COL23A1: variants seen among roughly 807,000 people sequenced by gnomAD.
The protein encoded by COL23A1 is collagen type XXIII alpha 1 chain, also known as collagen alpha-1(XXIII) chain.
COL23A1 carries 97 observed loss-of-function variants against 99.3 expected under a neutral mutation model. The observed-to-expected ratio is 0.98, with a 90% confidence interval of 0.83 to 1.16. COL23A1 has a LOEUF of 1.16. Ranked by LOEUF, COL23A1 falls within the 50% of genes most tolerant of loss-of-function variation. The pLI is 0.00. For missense variants in COL23A1, 762 were observed against 757.4 expected, an observed-to-expected ratio of 1.01 and a Z score of -0.07; for synonymous variants, 320 against 308.2, an observed-to-expected ratio of 1.04 and a Z score of -0.40.
rs1765729869 is a variant in COL23A1 at position 178,263,212 on chromosome 5, G to A, written c.635C>T (p.Pro212Leu). The A allele has an allele frequency of 3.1e-6, 5 of 1,611,970 alleles. No homozygotes were observed. The highest frequency in any genetic ancestry group is 4.2e-6 in the Non-Finnish European group (5 of 1,178,342). The change falls in exon 9 of 29, where the codon CCA becomes CTA. Residue 212 changes from proline (P) to leucine (L), a missense_variant. Physicochemically the swap from Pro to Leu is moderately conservative, Grantham distance 98 (BLOSUM62 -3). Coordinates refer to ENST00000390654, the MANE Select transcript of COL23A1 (RefSeq NM_173465.4). Reference sequence around the variant, plus strand: ...CAACTCCATGCCCTCTCTTACCGCTGGGCCTTGTGCTCCCCTGGGGCCATC... The same window carrying A: ...CAACTCCATGCCCTCTCTTACCGCTAGGCCTTGTGCTCCCCTGGGGCCATC... ...GKDGPRGAQG[P>L]AGPKGEPGQD...
chr5:178,264,911 G>T (rs1346006341), intron 8 of COL23A1, among the ~76,000 whole-genome samples: 1 of 152,210 alleles, frequency 6.6e-6, no homozygotes, highest in African/African-American at 2.4e-5. Flanking sequence ...CTCCCAAAGT[G>T]CTGGGATTAC....
intron 1 of COL23A1, among the ~76,000 whole-genome samples, chr5:178,582,188 C>G (rs1320749565): frequency 8.8e-6 from 1 of 113,536 alleles, no homozygotes; most frequent in Non-Finnish European, 1.6e-5. Flanking sequence ...GCCTGGGAGA[C>G]AGGACGAGAC....
At chr5:178,393,350 A>G (rs1163562103) in intron 2 of COL23A1, among the ~76,000 whole-genome samples, 1 of 152,132 alleles carries the variant, frequency 6.6e-6, no homozygotes, top group Non-Finnish European at 1.5e-5. Flanking sequence ...AAAGATGGGA[A>G]GTAAATGGTG....
Position 178,309,943 on chromosome 5 carries a change from G to C in COL23A1, c.362-3024C>G, listed in dbSNP as rs60863033. Among the ~76,000 whole-genome samples the C allele has an allele frequency of 6.9e-6, 1 of 145,952 alleles. No homozygotes were observed. Among genetic ancestry groups the C allele is most frequent in the South Asian group, 2.1e-4 (1 of 4,824 alleles). ...TGTGTGTTCAGGGGAGGAAGGGCGG[G>C]GGGGAGAGGGAGGGAGGGAGAAGGG... On this transcript the variant is annotated intron_variant, in intron 2 of 28. Coordinates refer to ENST00000390654, the MANE Select transcript of COL23A1 (RefSeq NM_173465.4). The surrounding 1 kb of genome is among the most constrained non-coding windows in gnomAD (Gnocchi z 4.7).
intron 16 of COL23A1, 100 bp from the exon 17 acceptor site, chr5:178,252,697 G>A: frequency 2.0e-6 from 2 of 1,025,536 alleles, no homozygotes; most frequent in South Asian, 3.0e-5. Context: ...CCGTCCAGCT[G>A]AGCAGAGCAG....
At chr5:178,553,578 G>T (rs1762118944) in intron 2 of COL23A1, among the ~76,000 whole-genome samples, 1 of 152,222 alleles carries the variant, frequency 6.6e-6, no homozygotes, top group Admixed American at 6.5e-5. Context: ...CGAAAAGGAT[G>T]ATACCATTCT....
intron 7 of COL23A1, among the ~76,000 whole-genome samples, chr5:178,267,982 C>T (rs1755999748): frequency 6.6e-6 from 1 of 152,230 alleles, no homozygotes; most frequent in African/African-American, 2.4e-5. Context: ...GGTGGTGGAG[C>T]TGGAATGCAA....
chr5:178,305,611 C>T (rs1486068525), intron 3 of COL23A1, among the ~76,000 whole-genome samples: 14 of 152,142 alleles, frequency 9.2e-5, no homozygotes, highest in African/African-American at 3.4e-4. Context: ...TTGAGCTAGG[C>T]TTGAAGGACA....
At position 178,537,688 on chromosome 5, in the gene COL23A1, C is replaced by A. The variant is rs779012583; in HGVS notation, c.361+22994G>T. On this transcript the variant is annotated intron_variant, in intron 2 of 28. Transcript: ENST00000390654. ...AGCCACAGGGCAAGGCCATGACAGG[C>A]GCCTTCTTTACTGAAACTGTGTGTG... Among the ~76,000 whole-genome samples, 3 of 152,226 alleles carry A rather than the reference C, an allele frequency of 2.0e-5. No homozygotes were observed. In the East Asian group the frequency reaches 5.8e-4, roughly 29 times the overall value.
intron 2 of COL23A1, among the ~76,000 whole-genome samples, chr5:178,463,476 G>A (rs1292415930): frequency 1.3e-5 from 2 of 152,114 alleles, no homozygotes; most frequent in Non-Finnish European, 2.9e-5. Flanking sequence ...AAAAGATGCA[G>A]GAAAAACCAC....
chr5:178,307,614 G>A lies in COL23A1; in HGVS notation c.362-695C>T, dbSNP rs1197004329. ...GCCCTCTGCCCACATCAGACCCTGA[G>A]ACCAGAGTAACCTCAGCGCTGAAGG... On this transcript the variant is annotated intron_variant, in intron 2 of 28. Coordinates refer to ENST00000390654, the MANE Select transcript of COL23A1 (RefSeq NM_173465.4). The surrounding 1 kb of genome is among the most constrained non-coding windows in gnomAD (Gnocchi z 4.2). Among the ~76,000 whole-genome samples, 1 of 152,194 alleles carries A rather than the reference G, an allele frequency of 6.6e-6. No homozygotes were observed. The highest frequency in any genetic ancestry group is 2.4e-5 in the African/African-American group (1 of 41,448).
intron 2 of COL23A1, among the ~76,000 whole-genome samples, chr5:178,350,449 G>A (rs1157043771): frequency 1.3e-5 from 2 of 152,114 alleles, no homozygotes; most frequent in Non-Finnish European, 2.9e-5. Context: ...TCTAGGGCAG[G>A]GCCGTCAGGA....
intron 2 of COL23A1, among the ~76,000 whole-genome samples, chr5:178,531,994 C>T (rs1420551902): frequency 1.3e-5 from 2 of 152,246 alleles, no homozygotes; most frequent in Non-Finnish European, 2.9e-5. Context: ...CCCCAGCTGA[C>T]AACCAGATGC....
chr5:178,520,595 A>G (rs1407243291), intron 2 of COL23A1, among the ~76,000 whole-genome samples: 1 of 152,218 alleles, frequency 6.6e-6, no homozygotes, highest in African/African-American at 2.4e-5. Context: ...GGAGGGGAGC[A>G]CATGTGTTCA....
intron 2 of COL23A1, among the ~76,000 whole-genome samples, chr5:178,444,640 C>T (rs1368855059): frequency 2.0e-5 from 3 of 151,402 alleles, no homozygotes; most frequent in African/African-American, 7.3e-5. Context: ...ACTAAAAATG[C>T]AAAAAATTAG....
chr5:178,437,425 G>A (rs1766619441), intron 2 of COL23A1, among the ~76,000 whole-genome samples: 1 of 152,152 alleles, frequency 6.6e-6, no homozygotes, highest in African/African-American at 2.4e-5. Context: ...GCAGGAGGTC[G>A]CCAGGATCTG....
chr5:178,411,866 C>T (rs1365947714), intron 2 of COL23A1, among the ~76,000 whole-genome samples: 1 of 152,160 alleles, frequency 6.6e-6, no homozygotes, highest in East Asian at 1.9e-4. Flanking sequence ...ATTGGTAGAA[C>T]ATTTAAAGTT....
intron 2 of COL23A1, among the ~76,000 whole-genome samples, chr5:178,490,892 T>C (rs1271320962): frequency 6.6e-6 from 1 of 152,216 alleles, no homozygotes; most frequent in East Asian, 1.9e-4. Context: ...TTTTACTGCA[T>C]GTAAATTATA....
chr5:178,528,992 A>G (rs1760485198), intron 2 of COL23A1, among the ~76,000 whole-genome samples: 1 of 152,246 alleles, frequency 6.6e-6, no homozygotes, highest in African/African-American at 2.4e-5. Flanking sequence ...TCAGTGGCCT[A>G]AAGCATCAAT....
Sources: gnomAD v4.1 joint callset for allele counts (sites outside exome capture counted in the v4.1 genomes callset) on GRCh38, gnomAD v4.1.1 for gene constraint, Gnocchi (gnomAD v3.1) non-coding constraint, MANE v1.5 for transcripts, NCBI Gene and HGNC (gene_info 2026-07-23, HGNC 2026-07-21) for gene names.